Variants in DGKB observed in about 807,000 individuals in gnomAD.
DGKB encodes the protein diacylglycerol kinase beta.
A neutral mutation model predicts 114.3 loss-of-function variants in DGKB; 67 were observed. That is an observed-to-expected ratio of 0.59 (90% CI 0.48 to 0.72). The LOEUF (loss-of-function observed/expected upper bound fraction) is 0.72. Among genes scored for constraint, DGKB ranks in the 30% least tolerant of loss-of-function variants. The probability of loss-of-function intolerance (pLI) is 0.00; values close to 1 mark genes in which losing one functional copy is unlikely to be tolerated. For synonymous variants in DGKB, 398 were observed against 323.1 expected (o/e 1.23, Z -2.49); for missense variants, 907 against 975.2 (o/e 0.93, Z 0.93).
At chr7:14,209,886 CT>C (rs1043125684) in intron 23 of DGKB, among the ~76,000 whole-genome samples, 1 of 124,432 alleles carries the variant, frequency 8.0e-6, no homozygotes, top group African/African-American at 4.1e-5. Flanking sequence ...GTTATTCACC[CT>C]ATGGCTGTCT....
rs575346409 is a variant in DGKB, at chr7:14,235,825, G to C, written c.2123-57674C>G. On this transcript the variant is annotated intron_variant, in intron 23 of 25. Transcript: ENST00000402815. ...TGTTTAGCTCCTTGAAACTAATTTA[G>C]CTGTTATGTGAAGCTATAAAACTTA... Among the ~76,000 whole-genome samples, 6 of 152,086 alleles carry C rather than the reference G, an allele frequency of 3.9e-5. No individual in the cohort carries two copies. In the South Asian group the frequency reaches 6.2e-4, roughly 16 times the overall value.
intron 23 of DGKB, among the ~76,000 whole-genome samples, chr7:14,240,957 T>C (rs1395366245): frequency 6.6e-6 from 1 of 152,158 alleles, no homozygotes; most frequent in Non-Finnish European, 1.5e-5. Flanking sequence ...CCAGGTTTCC[T>C]TCAATAGATA....
intron 22 of DGKB, 62 bp from the exon 23 acceptor site, chr7:14,338,772 GT>G (rs1251702110): frequency 5.5e-6 from 6 of 1,098,090 alleles, no homozygotes; most frequent in Non-Finnish European, 7.4e-6. Context: ...CTGATTTCTT[GT>G]TTTTCATTTC....
At chr7:14,214,926 G>A (rs1484011432) in intron 23 of DGKB, among the ~76,000 whole-genome samples, 2 of 152,016 alleles carry the variant, frequency 1.3e-5, no homozygotes, top group Non-Finnish European at 2.9e-5. Context: ...ACTTCCATTC[G>A]CTCCTCCCTC....
chr7:14,562,238 G>A (rs964930932), intron 20 of DGKB, among the ~76,000 whole-genome samples: 2 of 152,222 alleles, frequency 1.3e-5, no homozygotes, highest in Non-Finnish European at 2.9e-5. Flanking sequence ...AGATTTCAGA[G>A]GATGTATGGA....
intron 7 of DGKB, among the ~76,000 whole-genome samples, chr7:14,698,979 A>G (rs1041291242): frequency 4.6e-5 from 7 of 152,136 alleles, no homozygotes; most frequent in Non-Finnish European, 1.0e-4. Context: ...TTGAAAGTGC[A>G]ATAGTCAAAG....
chr7:14,470,750 C>G (rs1032123676), intron 21 of DGKB, among the ~76,000 whole-genome samples: 1 of 151,490 alleles, frequency 6.6e-6, no homozygotes, highest in African/African-American at 2.4e-5. Flanking sequence ...GATTGGATGC[C>G]AATTTTCAAT....
At chr7:14,720,165 A>G (rs1828903252) in intron 5 of DGKB, among the ~76,000 whole-genome samples, 1 of 152,070 alleles carries the variant, frequency 6.6e-6, no homozygotes, top group Admixed American at 6.6e-5. Context: ...TCTTTTCTAT[A>G]TTAACCTACT....
chr7:14,895,686 A>G (rs217588), intron 1 of DGKB, among the ~76,000 whole-genome samples: 148,043 of 151,602 alleles, frequency 0.98, 72,373 homozygotes, highest in Middle Eastern at 1. Context: ...TAGCCCGTCA[A>G]TGACTAAAGG....
At chr7:14,245,692 C>T (rs1794370511) in intron 23 of DGKB, among the ~76,000 whole-genome samples, 2 of 152,124 alleles carry the variant, frequency 1.3e-5, no homozygotes, top group Admixed American at 6.5e-5. Flanking sequence ...CTTTGGGAGG[C>T]CGAGGTGAGT....
At chr7:14,525,236 T>C (rs1034047969) in intron 20 of DGKB, among the ~76,000 whole-genome samples, 5 of 152,222 alleles carry the variant, frequency 3.3e-5, no homozygotes, top group African/African-American at 1.2e-4. Flanking sequence ...TTCTCTTTTA[T>C]CCATTCTGTA....
At position 14,750,499 on chromosome 7, in the gene DGKB, G is replaced by A. The variant is rs117160648; in HGVS notation, c.168+3429C>T. 5.3e-3 allele frequency among the ~76,000 whole-genome samples: 813 copies of A among 152,064 alleles called. 7 individuals carry two copies. Among genetic ancestry groups the A allele is most frequent in the Non-Finnish European group, 9.6e-3 (651 of 67,990 alleles). On this transcript the variant is annotated intron_variant, in intron 4 of 25. Transcript: ENST00000402815. ...ACCTGAAATGTGTTCAAATCTGCCC[G>A]CCTCCATCTCCATTCTGATGCCCAT...
chr7:14,632,862 C>A (rs1810006097), intron 13 of DGKB, among the ~76,000 whole-genome samples: 1 of 151,830 alleles, frequency 6.6e-6, no homozygotes, highest in Non-Finnish European at 1.5e-5. Flanking sequence ...AGAGCAGAAG[C>A]CCTTATTGAC....
At chr7:14,611,768 A>C (rs1263570678) in intron 16 of DGKB, among the ~76,000 whole-genome samples, 2 of 151,910 alleles carry the variant, frequency 1.3e-5, no homozygotes, top group East Asian at 1.9e-4. Context: ...AGGGAAGGCA[A>C]ATATTCAACT....
chr7:14,425,951 G>C (rs541620267), intron 21 of DGKB, among the ~76,000 whole-genome samples: 7 of 152,008 alleles, frequency 4.6e-5, no homozygotes, highest in Non-Finnish European at 1.0e-4. Flanking sequence ...TTCAATTTTT[G>C]TTGGTAACAG....
chr7:14,759,078 C>T (rs1319491365), intron 2 of DGKB, among the ~76,000 whole-genome samples: 7 of 152,120 alleles, frequency 4.6e-5, no homozygotes, highest in Non-Finnish European at 8.8e-5. Context: ...GGGCTTACCA[C>T]CATGCCTGGC....
intron 1 of DGKB, among the ~76,000 whole-genome samples, chr7:14,937,355 C>A (rs1274913555): frequency 2.0e-5 from 3 of 151,928 alleles, no homozygotes; most frequent in Non-Finnish European, 4.4e-5. Context: ...TCTATATTTA[C>A]AAGAATCCAG....
chr7:14,242,614 T>C (rs918931069), intron 23 of DGKB, among the ~76,000 whole-genome samples: 2 of 152,162 alleles, frequency 1.3e-5, no homozygotes, highest in African/African-American at 4.8e-5. Flanking sequence ...CTGACGGTTG[T>C]TCATAAATTA....
intron 21 of DGKB, among the ~76,000 whole-genome samples, chr7:14,362,628 A>G (rs1815956216): frequency 1.4e-5 from 2 of 144,210 alleles, no homozygotes; most frequent in South Asian, 4.6e-4. Context: ...TCTCATTCTT[A>G]GAGTGTATAT....
Sources: gnomAD v4.1 joint callset for allele counts (sites outside exome capture counted in the v4.1 genomes callset) on GRCh38, gnomAD v4.1.1 for gene constraint, MANE v1.5 for transcripts, NCBI Gene and HGNC (gene_info 2026-07-23, HGNC 2026-07-21) for gene names.